SYCP1: variants seen among roughly 807,000 people sequenced by gnomAD.
The protein encoded by SYCP1 is synaptonemal complex protein 1, also known as cancer/testis antigen 8.
Under a neutral mutation model 153.1 loss-of-function variants are expected in SYCP1, and 64 were observed. The ratio of observed to expected loss-of-function variants is 0.42; its 90% CI spans 0.34 to 0.51. The LOEUF (loss-of-function observed/expected upper bound fraction) is 0.51, where lower values mean the gene tolerates loss of function less well. Among genes scored for constraint, SYCP1 ranks in the 20% least tolerant of loss-of-function variants. The probability of loss-of-function intolerance (pLI) is 0.06; values close to 1 mark genes in which losing one functional copy is unlikely to be tolerated. For synonymous variants in SYCP1, 384 were observed against 341.8 expected, an observed-to-expected ratio of 1.12 and a Z score of -1.36; for missense variants, 997 against 1,049.0, an observed-to-expected ratio of 0.95 and a Z score of 0.68.
intron 25 of SYCP1, 22 bp downstream of exon 25, chr1:114,945,004 A>C (rs915174632): frequency 2.0e-6 from 3 of 1,468,532 alleles, no homozygotes; most frequent in African/African-American, 2.9e-5. Flanking sequence ...CTTCTTATAT[A>C]ATGAAAATTA....
At chr1:114,929,462 G>T (rs755608053) in intron 23 of SYCP1, among the ~76,000 whole-genome samples, 18 of 151,890 alleles carry the variant, frequency 1.2e-4, no homozygotes, top group Non-Finnish European at 2.6e-4. Context: ...GAGATACATT[G>T]TATTTAGTAT....
chr1:114,964,356 G>C (rs1671972018), intron 27 of SYCP1, among the ~76,000 whole-genome samples: 1 of 152,142 alleles, frequency 6.6e-6, no homozygotes, highest in Non-Finnish European at 1.5e-5. Flanking sequence ...TTCTTTGGCT[G>C]TGCAGAAGCT....
intron 16 of SYCP1, among the ~76,000 whole-genome samples, chr1:114,906,517 A>G (rs1667817926): frequency 6.6e-6 from 1 of 152,068 alleles, no homozygotes. Flanking sequence ...AATTTCCTCT[A>G]GTCACCTTTT....
upstream of SYCP1, among the ~76,000 whole-genome samples, chr1:114,854,100 A>C (rs1570632353): frequency 3.9e-4 from 44 of 113,554 alleles, no homozygotes; most frequent in African/African-American, 3.5e-4. Context: ...CTCTTTCCCT[A>C]CTCTCCTCCG....
In SYCP1 at chr1:114,924,603, A is replaced by T. The variant is rs1192117805; in HGVS notation, c.1800+1073A>T. Among the ~76,000 whole-genome samples, 3 of 152,090 alleles carry T rather than the reference A, an allele frequency of 2.0e-5. No homozygotes were observed. In the East Asian group the frequency reaches 5.8e-4, roughly 29 times the overall value. On this transcript the variant is annotated intron_variant, in intron 21 of 31. Transcript: ENST00000369522. ...GGTGGATACAAGTATAGCAGGGAGG[A>T]TAATATTCTAAGTTAAAAAAACATA... is the stretch of plus-strand genomic sequence containing the variant.
intron 20 of SYCP1, among the ~76,000 whole-genome samples, chr1:114,919,675 T>C (rs879937037): frequency 6.6e-6 from 1 of 152,086 alleles, no homozygotes; most frequent in Non-Finnish European, 1.5e-5. Context: ...TTTGATCTTA[T>C]TACTTGTTTT....
chr1:114,870,590 C>CTGGG (rs1220404722), intron 8 of SYCP1, among the ~76,000 whole-genome samples: 3 of 152,142 alleles, frequency 2.0e-5, no homozygotes, highest in African/African-American at 7.2e-5. Context: ...GTTTCTTTTG[C>CTGGG]AGACATTTTC....
chr1:114,919,843 A>T (rs906272673), intron 20 of SYCP1, among the ~76,000 whole-genome samples: 1 of 151,758 alleles, frequency 6.6e-6, no homozygotes, highest in African/African-American at 2.4e-5. Flanking sequence ...ATTGGTTATA[A>T]TGTCTCCCTT....
chr1:114,892,630 T>C (rs1666794769), intron 15 of SYCP1, among the ~76,000 whole-genome samples: 1 of 152,158 alleles, frequency 6.6e-6, no homozygotes, highest in African/African-American at 2.4e-5. Context: ...GCCATTGGCT[T>C]ATGCTTTGGC....
intron 27 of SYCP1, among the ~76,000 whole-genome samples, chr1:114,951,058 T>C (rs917493541): frequency 9.9e-5 from 15 of 152,188 alleles, no homozygotes; most frequent in Non-Finnish European, 1.9e-4. Flanking sequence ...TCTCCTGACC[T>C]TGTGATCCGC....
chr1:114,909,810 A>G (rs1254613147), intron 16 of SYCP1, among the ~76,000 whole-genome samples: 4 of 152,196 alleles, frequency 2.6e-5, no homozygotes, highest in South Asian at 4.1e-4. Context: ...AGTCCTTGAT[A>G]TAATTTAAAC....
chr1:114,968,735 A>C (rs1570886773), intron 27 of SYCP1, among the ~76,000 whole-genome samples: 1 of 152,062 alleles, frequency 6.6e-6, no homozygotes, highest in Non-Finnish European at 1.5e-5. Flanking sequence ...AGGAGTTGTG[A>C]TCCTTTGGAG....
intron 27 of SYCP1, among the ~76,000 whole-genome samples, chr1:114,972,539 T>C (rs1010912614): frequency 1.3e-5 from 2 of 152,166 alleles, no homozygotes; most frequent in Non-Finnish European, 1.5e-5. Context: ...TGTAGGTGTT[T>C]ATAGCTATAT....
intron 16 of SYCP1, among the ~76,000 whole-genome samples, chr1:114,902,076 C>T (rs1667487663): frequency 6.6e-6 from 1 of 150,516 alleles, no homozygotes; most frequent in African/African-American, 2.4e-5. Flanking sequence ...TCGTGGGGCC[C>T]TTGGGTCATG....
At chr1:114,971,543 G>A (rs767807912) in intron 27 of SYCP1, among the ~76,000 whole-genome samples, 19 of 151,964 alleles carry the variant, frequency 1.3e-4, no homozygotes, top group Non-Finnish European at 2.2e-4. Flanking sequence ...TCAGTACTTC[G>A]CCATTCAGTA....
At chr1:114,900,225 C>G (rs1292779511) in intron 16 of SYCP1, among the ~76,000 whole-genome samples, 2 of 152,036 alleles carry the variant, frequency 1.3e-5, no homozygotes, top group Non-Finnish European at 2.9e-5. Context: ...TTTATTTTAT[C>G]TAATTTGAAA....
rs1668182164 is a variant in SYCP1, at chr1:114,911,593, C to T, written c.1529+11C>T. ...GCTTGAAAACGAGAAGTATGTTTTC[C>T]ATTTATCTAAAAATAGTTTATGTAC... On this transcript the variant is annotated intron_variant, in intron 18 of 31. Coordinates refer to ENST00000369522, the MANE Select transcript of SYCP1 (RefSeq NM_003176.4). 3 of 1,428,660 alleles carry T rather than the reference C, an allele frequency of 2.1e-6. No individual in the cohort carries two copies. Among genetic ancestry groups the T allele is most frequent in the Non-Finnish European group, 2.8e-6 (3 of 1,075,974 alleles). 88.5% of individuals were successfully genotyped at this position (1,428,660 alleles called of 1,614,324 possible).
At chr1:114,975,333 A>AGT (rs10641182) in intron 27 of SYCP1, among the ~76,000 whole-genome samples, 67,549 of 146,348 alleles carry the variant, frequency 0.46, 16,147 homozygotes, top group Middle Eastern at 0.59. Context: ...CTCTAAAGTA[A>AGT]GTGTGTGTGT....
intron 27 of SYCP1, among the ~76,000 whole-genome samples, chr1:114,962,651 A>C (rs1214024309): frequency 6.6e-6 from 1 of 152,190 alleles, no homozygotes; most frequent in Non-Finnish European, 1.5e-5. Context: ...TGGAGCATTT[A>C]GGCCATTTAC....
Sources: allele counts gnomAD v4.1 joint callset (sites outside exome capture counted in the v4.1 genomes callset), GRCh38; gene constraint gnomAD v4.1.1; transcripts MANE v1.5; gene names NCBI Gene and HGNC (gene_info 2026-07-23, HGNC 2026-07-21).